ANTXR2: variants seen among roughly 807,000 people sequenced by gnomAD.
The protein encoded by ANTXR2 is ANTXR cell adhesion molecule 2.
Under a neutral mutation model 73.7 loss-of-function variants are expected in ANTXR2, and 44 were observed. The ratio of observed to expected loss-of-function variants is 0.60; its 90% CI spans 0.47 to 0.77. The LOEUF (loss-of-function observed/expected upper bound fraction) is 0.77. Among genes scored for constraint, ANTXR2 ranks in the 30% least tolerant of loss-of-function variants. The pLI is 0.00. For synonymous variants in ANTXR2, 217 were observed against 205.9 expected, an observed-to-expected ratio of 1.05 and a Z score of -0.46; for missense variants, 604 against 592.5, an observed-to-expected ratio of 1.02 and a Z score of -0.20.
rs1284723768 is a variant in ANTXR2, at chr4:79,903,728, GACA to G, written c.*3698_*3700del. The G allele has an allele frequency of 1.3e-5, 2 of 152,096 alleles. No individual in the cohort carries two copies. The highest frequency in any genetic ancestry group is 6.6e-5 in the Admixed American group (1 of 15,240). 9.4% of individuals were successfully genotyped at this position (152,096 alleles called of 1,614,324 possible). A position where few individuals can be genotyped will look rare whatever the true frequency, so the allele number is the denominator to read the frequency against. On this transcript the variant is annotated 3_prime_UTR_variant, in exon 17 of 17. Coordinates refer to ENST00000403729, the MANE Select transcript of ANTXR2 (RefSeq NM_058172.6). ...GCACTGACTTTATTTCCTACAAATA[GACA>G]ACATTCTCCAGCCTCACCTGCCTGT...
At chr4:79,947,963 C>T (rs575631171) in intron 16 of ANTXR2, among the ~76,000 whole-genome samples, 10 of 152,118 alleles carry the variant, frequency 6.6e-5, no homozygotes, top group African/African-American at 1.2e-4. Flanking sequence ...ATCTCCTTTT[C>T]GAGTAATACA....
chr4:79,963,760 T>G (rs1289479759), intron 16 of ANTXR2, among the ~76,000 whole-genome samples: 10 of 152,230 alleles, frequency 6.6e-5, no homozygotes, highest in Non-Finnish European at 1.2e-4. Context: ...TAACCAATTC[T>G]ATTATGTCAT....
At chr4:80,032,320 T>C (rs1328066027) in intron 9 of ANTXR2, among the ~76,000 whole-genome samples, 3 of 151,978 alleles carry the variant, frequency 2.0e-5, no homozygotes, top group Admixed American at 6.6e-5. Context: ...AAACATGAAA[T>C]ACGTTTATTT....
At position 80,033,496 on chromosome 4, in the gene ANTXR2, T is replaced by C. The variant is rs368740456; in HGVS notation, c.772A>G (p.Thr258Ala). 69 of 1,600,020 alleles carry C rather than the reference T, an allele frequency of 4.3e-5. No individual in the cohort carries two copies. Among genetic ancestry groups the C allele is most frequent in the Non-Finnish European group, 5.8e-5 (68 of 1,174,542 alleles). ...SRNGSVLCTY[T>A]VNETYTTSVK... ...CTCGTTGTATATGTTTCATTTACAG[T>C]GTAAGTGCAGAGAACACTGCCATTC... Residue 258 changes from threonine to alanine, a missense_variant, in exon 9 of 17, where the codon ACT becomes GCT. Thr to Ala is a moderately conservative substitution (Grantham distance 58). Coordinates refer to ENST00000403729, the MANE Select transcript of ANTXR2 (RefSeq NM_058172.6).
intron 16 of ANTXR2, among the ~76,000 whole-genome samples, chr4:79,920,689 G>T (rs1727559863): frequency 6.6e-6 from 1 of 152,116 alleles, no homozygotes; most frequent in African/African-American, 2.4e-5. Flanking sequence ...AGAAGATGTG[G>T]TCAAACAGAA....
At chr4:80,027,300 GA>G (rs1380498738) in intron 10 of ANTXR2, among the ~76,000 whole-genome samples, 2 of 151,764 alleles carry the variant, frequency 1.3e-5, no homozygotes. Flanking sequence ...ATCTAATCAA[GA>G]AAGAGAAATA....
At chr4:79,944,968 AT>A (rs1189717894) in intron 16 of ANTXR2, among the ~76,000 whole-genome samples, 1 of 152,184 alleles carries the variant, frequency 6.6e-6, no homozygotes, top group Non-Finnish European at 1.5e-5. Context: ...GCATAAATGC[AT>A]TTGAAGCAGA....
At chr4:80,067,848 G>A (rs914171544) in intron 3 of ANTXR2, among the ~76,000 whole-genome samples, 5 of 152,168 alleles carry the variant, frequency 3.3e-5, no homozygotes, top group Non-Finnish European at 7.3e-5. Flanking sequence ...GGCCTGTGAG[G>A]GGTGCAGGGG....
chr4:79,917,591 G>T (rs1307494897), intron 16 of ANTXR2, among the ~76,000 whole-genome samples: 1 of 152,070 alleles, frequency 6.6e-6, no homozygotes, highest in African/African-American at 2.4e-5. Context: ...GAACTGTAAT[G>T]GAAAAAGCAA....
intron 10 of ANTXR2, 135 bp downstream of exon 10, chr4:80,031,488 G>T: frequency 1.6e-6 from 1 of 615,500 alleles, no homozygotes; most frequent in Non-Finnish European, 2.6e-6. Flanking sequence ...TAAGTTAAGT[G>T]GCTTGCCCAA....
At chr4:79,927,156 C>G (rs996931744) in intron 16 of ANTXR2, among the ~76,000 whole-genome samples, 4 of 150,726 alleles carry the variant, frequency 2.7e-5, no homozygotes, top group Admixed American at 2.6e-4. Context: ...CTGTGGCAAG[C>G]GAACAAAAAC....
chr4:80,008,128 C>T (rs956241507), intron 12 of ANTXR2, among the ~76,000 whole-genome samples: 7 of 151,934 alleles, frequency 4.6e-5, no homozygotes, highest in African/African-American at 1.7e-4. Flanking sequence ...AATGGTAGAC[C>T]CTTCAAAGAG....
chr4:79,943,563 T>C (rs1345817713), intron 16 of ANTXR2, among the ~76,000 whole-genome samples: 1 of 81,194 alleles, frequency 1.2e-5, no homozygotes, highest in Non-Finnish European at 2.4e-5. Flanking sequence ...GGAAGGGGAA[T>C]ATCACACTCT....
At chr4:80,008,029 A>G (rs1022902388) in intron 12 of ANTXR2, among the ~76,000 whole-genome samples, 2 of 152,234 alleles carry the variant, frequency 1.3e-5, no homozygotes, top group African/African-American at 4.8e-5. Context: ...TCATTACTCC[A>G]AAAGTAGCAG....
At chr4:80,038,759 A>G (rs1301555858) in intron 7 of ANTXR2, among the ~76,000 whole-genome samples, 1 of 152,062 alleles carries the variant, frequency 6.6e-6, no homozygotes, top group Non-Finnish European at 1.5e-5. Flanking sequence ...GCAAATAGTG[A>G]GAGCACAAGT....
intron 10 of ANTXR2, among the ~76,000 whole-genome samples, chr4:80,023,347 T>C (rs1732264453): frequency 6.6e-6 from 1 of 152,280 alleles, no homozygotes; most frequent in South Asian, 2.1e-4. Context: ...ACACTCCAAA[T>C]TGGTTTAGGA....
chr4:80,026,354 G>A (rs1356651884), intron 10 of ANTXR2, among the ~76,000 whole-genome samples: 2 of 152,140 alleles, frequency 1.3e-5, no homozygotes, highest in Admixed American at 6.6e-5. Flanking sequence ...GTTTCCTGAG[G>A]CTTCCCCAGT....
intron 16 of ANTXR2, among the ~76,000 whole-genome samples, chr4:79,963,951 C>A (rs1228519597): frequency 6.6e-6 from 1 of 152,080 alleles, no homozygotes; most frequent in South Asian, 2.1e-4. Context: ...GGAATGAAGT[C>A]TTTATGAATA....
chr4:80,065,234 A>T (rs1304198395), intron 3 of ANTXR2, among the ~76,000 whole-genome samples: 1 of 152,230 alleles, frequency 6.6e-6, no homozygotes, highest in Non-Finnish European at 1.5e-5. Flanking sequence ...GCAAAATAAT[A>T]ACTAAAAATA....
Sources: allele counts gnomAD v4.1 joint callset (sites outside exome capture counted in the v4.1 genomes callset), GRCh38; gene constraint gnomAD v4.1.1; transcripts MANE v1.5; gene names NCBI Gene and HGNC (gene_info 2026-07-23, HGNC 2026-07-21).